Variants in WDR41 observed in about 807,000 individuals in gnomAD.
WDR41 encodes WD repeat domain 41, also known as WD repeat-containing protein 41.
Under a neutral mutation model 69.3 loss-of-function variants are expected in WDR41, and 63 were observed. The ratio of observed to expected loss-of-function variants is 0.91; its 90% CI spans 0.74 to 1.12. The LOEUF is 1.12. WDR41 is among the 50% of genes most tolerant of loss of function. WDR41 has a pLI of 0.00. For synonymous variants in WDR41, 185 were observed against 192.1 expected, an observed-to-expected ratio of 0.96 and a Z score of 0.31; for missense variants, 543 against 534.5, an observed-to-expected ratio of 1.02 and a Z score of -0.16.
rs183998036 is a variant in WDR41 at position 77,478,000 on chromosome 5, C to T, written c.167+11457G>A. Among the ~76,000 whole-genome samples the T allele has an allele frequency of 1.8e-3, 277 of 152,020 alleles. 2 individuals carry two copies. Among genetic ancestry groups the T allele is most frequent in the Admixed American group, 0.016 (241 of 15,272 alleles). On this transcript the variant is annotated intron_variant, in intron 2 of 12. Transcript: ENST00000296679. The stretch of plus-strand genomic sequence containing the variant: ...AAAAATGATAAAGGGGATATCACCA[C>T]TGATCCCACAGAAATACAAACTACC...
At chr5:77,484,474 C>T (rs1801421426) in intron 2 of WDR41, among the ~76,000 whole-genome samples, 1 of 151,904 alleles carries the variant, frequency 6.6e-6, no homozygotes, top group South Asian at 2.1e-4. Context: ...TGTCTAAAGT[C>T]AACGTCACAC....
At chr5:77,480,321 T>C (rs1801169774) in intron 2 of WDR41, 2 of 152,014 alleles carry the variant, frequency 1.3e-5, no homozygotes, top group African/African-American at 2.4e-5. Context: ...ATCCCATTAC[T>C]GGGTATATAC....
intron 1 of WDR41, among the ~76,000 whole-genome samples, chr5:77,512,481 G>A (rs1170071099): frequency 2.7e-5 from 4 of 149,658 alleles, no homozygotes; most frequent in African/African-American, 7.4e-5. Flanking sequence ...GCCGAGTAAG[G>A]TAGCTCATGC....
chr5:77,506,863 A>C (rs1017280560), intron 1 of WDR41, among the ~76,000 whole-genome samples: 7 of 151,974 alleles, frequency 4.6e-5, no homozygotes, highest in Non-Finnish European at 8.8e-5. Flanking sequence ...CAGGATGGGG[A>C]ACATCACACA....
chr5:77,438,322 T>C lies in WDR41; in HGVS notation c.922A>G (p.Ser308Gly). ...GCAATCACACGCTTCATTTGAAGGC[T>C]ATACACGTATAAACCCCTTCCAACT... Reference protein sequence around the residue: ...AAVGRGLYVYSLQMKRVIACQ... With the variant: ...AAVGRGLYVYGLQMKRVIACQ... The change falls in exon 10 of 13, where the codon AGC becomes GGC. Residue 308 changes from serine (S) to glycine (G), a missense_variant. Coordinates refer to ENST00000296679, the MANE Select transcript of WDR41 (RefSeq NM_018268.4). 1 of 1,614,112 alleles carries C rather than the reference T, an allele frequency of 6.2e-7. No individual in the cohort carries two copies. The highest frequency in any genetic ancestry group is 8.5e-7 in the Non-Finnish European group (1 of 1,179,934).
exon 1 of WDR41, chr5:77,620,558 C>T (rs1229091513): frequency 2.2e-6 from 1 of 455,012 alleles, no homozygotes; most frequent in East Asian, 7.0e-5. Flanking sequence ...ACTTCCTGGT[C>T]TGTGTACCTG....
chr5:77,574,175 G>A (rs909043684), intron 1 of WDR41, among the ~76,000 whole-genome samples: 1 of 152,084 alleles, frequency 6.6e-6, no homozygotes, highest in African/African-American at 2.4e-5. Context: ...GCACGTTCCT[G>A]TAATCCCAGC....
intron 1 of WDR41, among the ~76,000 whole-genome samples, chr5:77,543,131 TG>T (rs1054102894): frequency 2.6e-5 from 4 of 152,166 alleles, no homozygotes; most frequent in African/African-American, 4.8e-5. Flanking sequence ...GGGAACACCC[TG>T]TGGGACAAAA....
intron 10 of WDR41, among the ~76,000 whole-genome samples, chr5:77,437,781 A>C (rs959362715): frequency 6.6e-6 from 1 of 152,108 alleles, no homozygotes; most frequent in East Asian, 1.9e-4. Flanking sequence ...TGCATAGAAA[A>C]TAATGATAGT....
chr5:77,439,943 A>G (rs527787128), intron 9 of WDR41, among the ~76,000 whole-genome samples: 1 of 152,276 alleles, frequency 6.6e-6, no homozygotes, highest in South Asian at 2.1e-4. Flanking sequence ...TTTCAAAATA[A>G]AGTTGGGATA....
At chr5:77,509,881 C>T (rs1802172013) in intron 1 of WDR41, among the ~76,000 whole-genome samples, 1 of 152,088 alleles carries the variant, frequency 6.6e-6, no homozygotes, top group South Asian at 2.1e-4. Flanking sequence ...AAAATTCAGG[C>T]CATTGAGATA....
intron 1 of WDR41, among the ~76,000 whole-genome samples, chr5:77,532,955 T>C (rs1291683399): frequency 6.6e-6 from 1 of 152,170 alleles, no homozygotes; most frequent in Non-Finnish European, 1.5e-5. Context: ...ATTTTTGCTT[T>C]TTAATAATTA....
chr5:77,576,181 T>C (rs1743828632), intron 1 of WDR41, among the ~76,000 whole-genome samples: 3 of 152,188 alleles, frequency 2.0e-5, no homozygotes, highest in Admixed American at 1.3e-4. Context: ...CCTCGATCTA[T>C]GTTCAGCCCC....
At chr5:77,522,184 A>C (rs1383701196) in intron 1 of WDR41, among the ~76,000 whole-genome samples, 1 of 152,248 alleles carries the variant, frequency 6.6e-6, no homozygotes, top group African/African-American at 2.4e-5. Flanking sequence ...CCGTCCAGGC[A>C]GATGTACAGA....
intron 2 of WDR41, among the ~76,000 whole-genome samples, chr5:77,488,551 G>GA (rs34810383): frequency 0.26 from 38,708 of 150,954 alleles, 5,719 homozygotes; most frequent in Non-Finnish European, 0.33. Flanking sequence ...TCCATGGAGT[G>GA]AAAAAAAACA....
chr5:77,516,403 T>C (rs1243767615), intron 1 of WDR41, among the ~76,000 whole-genome samples: 2 of 152,232 alleles, frequency 1.3e-5, no homozygotes, highest in African/African-American at 4.8e-5. Flanking sequence ...ATATACTTTT[T>C]CCGTAACTAA....
chr5:77,498,699 G>T (rs1364591139), intron 1 of WDR41, among the ~76,000 whole-genome samples: 1 of 151,576 alleles, frequency 6.6e-6, no homozygotes. Context: ...GGTGCCTGTG[G>T]TTCCAGTAAC....
At chr5:77,607,090 T>C (rs1370288048) in intron 1 of WDR41, among the ~76,000 whole-genome samples, 13 of 151,582 alleles carry the variant, frequency 8.6e-5, no homozygotes, top group Admixed American at 8.5e-4. Context: ...AGCAAAAAGC[T>C]CAGGAGGATG....
intron 12 of WDR41, among the ~76,000 whole-genome samples, chr5:77,435,084 C>A (rs779041067): frequency 5.3e-5 from 8 of 152,120 alleles, no homozygotes; most frequent in Non-Finnish European, 1.0e-4. Flanking sequence ...TCCTTGCCAC[C>A]ACGTAAATGC....
Sources: gnomAD v4.1 joint callset for allele counts (sites outside exome capture counted in the v4.1 genomes callset) on GRCh38, gnomAD v4.1.1 for gene constraint, MANE v1.5 for transcripts, NCBI Gene and HGNC (gene_info 2026-07-23, HGNC 2026-07-21) for gene names.